Variants in CFAP91 observed in about 807,000 individuals in gnomAD.
CFAP91 encodes cilia- and flagella-associated protein 91.
A neutral mutation model predicts 95.9 loss-of-function variants in CFAP91; 85 were observed. The observed-to-expected ratio is 0.89, with a 90% CI of 0.74 to 1.06. The LOEUF is 1.06. Among genes scored for constraint, CFAP91 ranks in the 50% least tolerant of loss-of-function variants. The pLI, the probability that CFAP91 is intolerant of heterozygous loss-of-function variation, is 0.00. For missense variants in CFAP91, 962 were observed against 943.4 expected (o/e 1.02, Z -0.26); for synonymous variants, 335 against 327.5 (o/e 1.02, Z -0.25).
chr3:119,709,816 T>C, intron 4 of CFAP91, 23 bp from the exon 5 acceptor site: 1 of 1,588,308 alleles, frequency 6.3e-7, no homozygotes, highest in African/African-American at 1.3e-5. Flanking sequence ...TCCCACACAT[T>C]TATGTTTTCT....
At position 119,715,626 on chromosome 3, in the gene CFAP91, G is replaced by A. The variant is rs914441437; in HGVS notation, c.565G>A (p.Val189Met). 2 of 1,613,782 alleles carry A rather than the reference G, an allele frequency of 1.2e-6. No homozygotes were observed. Among genetic ancestry groups the A allele is most frequent in the Admixed American group, 1.7e-5 (1 of 60,012 alleles). The change falls in exon 6 of 18, where the codon GTG becomes ATG. Residue 189 changes from valine to methionine, a missense_variant. By Grantham distance (21) the Val-to-Met change is conservative. Coordinates refer to ENST00000273390, the MANE Select transcript of CFAP91 (RefSeq NM_033364.4). ...CCTATCCATCCCTTCAAAGTCTACT[G>A]TGGGCACTCAGACTGATTATCGGGA... ...KHLSIPSKST[V>M]GTQTDYRDAD...
chr3:119,732,316 G>A lies in CFAP91; in HGVS notation c.1041G>A (p.Lys347=), dbSNP rs1559758012. The change falls in exon 9 of 18, where the codon AAG becomes AAA. Residue 347 remains lysine (K), a synonymous_variant. Coordinates refer to ENST00000273390, the MANE Select transcript of CFAP91 (RefSeq NM_033364.4). ...HVSTIRKLVG[K]RKNIEGKLER... ...CAGCAATCAGAAAACTTGTAGGAAA[G>A]AGAAAGAATATAGAAGGGAAGTTGG... 1 of 1,603,298 alleles carries A rather than the reference G, an allele frequency of 6.2e-7. No individual in the cohort carries two copies. Among genetic ancestry groups the A allele is most frequent in the Admixed American group, 1.7e-5 (1 of 58,114 alleles).
intron 6 of CFAP91, among the ~76,000 whole-genome samples, chr3:119,716,110 C>T (rs2053569792): frequency 1.3e-5 from 2 of 152,188 alleles, no homozygotes; most frequent in Admixed American, 1.3e-4. Context: ...AATGCACATT[C>T]CTATGTATGT....
At chr3:119,719,802 A>G (rs1438397240) in intron 6 of CFAP91, among the ~76,000 whole-genome samples, 3 of 152,282 alleles carry the variant, frequency 2.0e-5, no homozygotes, top group African/African-American at 4.8e-5. Flanking sequence ...CTTTTGCCCT[A>G]TATTTAAAAA....
intron 17 of CFAP91, 49 bp downstream of exon 17, chr3:119,751,147 C>A: frequency 6.5e-7 from 1 of 1,549,372 alleles, no homozygotes; most frequent in Non-Finnish European, 8.7e-7. Context: ...GGAAGAAAAG[C>A]GGCATTGTTC....
intron 6 of CFAP91, among the ~76,000 whole-genome samples, chr3:119,720,064 G>T (rs1392995649): frequency 6.8e-6 from 1 of 146,942 alleles, no homozygotes; most frequent in Non-Finnish European, 1.5e-5. Flanking sequence ...GACAGAGCGA[G>T]ACTCCGTCTC....
chr3:119,728,318 G>T (rs1432959537), intron 7 of CFAP91, among the ~76,000 whole-genome samples: 1 of 152,166 alleles, frequency 6.6e-6, no homozygotes. Context: ...GCAATGAGGT[G>T]ATCAGGCCCC....
In CFAP91 at chr3:119,715,587, A is replaced by G. The variant is rs750575398; in HGVS notation, c.526A>G (p.Thr176Ala). Residue 176 changes from threonine (T) to alanine (A), a missense_variant, in exon 6 of 18, where the codon ACT becomes GCT. Thr to Ala is a moderately conservative substitution (Grantham distance 58). Transcript: ENST00000273390. ...SKAEPYTFPP[T>A]STKHLSIPSK... ...GGCAGAACCATACACTTTTCCTCCT[A>G]CTTCTACTAAGCACCTATCCATCCC... 1 of 1,614,020 alleles carries G rather than the reference A, an allele frequency of 6.2e-7. No homozygotes were observed. The highest frequency in any genetic ancestry group is 1.1e-5 in the South Asian group (1 of 91,074).
chr3:119,741,943 G>A (rs2054128899), intron 13 of CFAP91, among the ~76,000 whole-genome samples: 1 of 152,168 alleles, frequency 6.6e-6, no homozygotes, highest in Non-Finnish European at 1.5e-5. Context: ...ACCAGAGAAG[G>A]AAGAGGAGAA....
chr3:119,762,070 T>A (rs898503397), intron 17 of CFAP91, among the ~76,000 whole-genome samples: 1 of 151,926 alleles, frequency 6.6e-6, no homozygotes, highest in Non-Finnish European at 1.5e-5. Flanking sequence ...GCAGGTGACA[T>A]GGTCTTATAT....
Position 119,766,370 on chromosome 3 carries a change from C to G in CFAP91, c.*1320C>G, listed in dbSNP as rs1008138482. The G allele has an allele frequency of 6.6e-6, 1 of 152,046 alleles. No homozygotes were observed. Among genetic ancestry groups the G allele is most frequent in the East Asian group, 1.9e-4 (1 of 5,178 alleles). The allele number at this position is 152,046 out of a possible 1,614,324, so 9.4% of individuals were successfully genotyped here. On this transcript the variant is annotated 3_prime_UTR_variant, in exon 18 of 18. Coordinates refer to ENST00000273390, the MANE Select transcript of CFAP91 (RefSeq NM_033364.4). Reference sequence around the variant, plus strand: ...CAAACTTGAAAGGGTTCACCTTGCCCTAGCAAAACTAGGATTGGGACACCT... The same window carrying G: ...CAAACTTGAAAGGGTTCACCTTGCCGTAGCAAAACTAGGATTGGGACACCT...
intron 1 of CFAP91, among the ~76,000 whole-genome samples, chr3:119,705,817 T>A (rs566580152): frequency 6.6e-6 from 1 of 152,318 alleles, no homozygotes; most frequent in East Asian, 1.9e-4. Flanking sequence ...TCAATAAACA[T>A]GTGTTGAATG....
At chr3:119,711,005 T>C (rs2053461911) in intron 5 of CFAP91, among the ~76,000 whole-genome samples, 1 of 152,258 alleles carries the variant, frequency 6.6e-6, no homozygotes, top group Non-Finnish European at 1.5e-5. Context: ...CATGAAATTA[T>C]CAGGAATAGA....
chr3:119,709,558 C>T (rs1337187546), intron 4 of CFAP91, among the ~76,000 whole-genome samples: 1 of 152,172 alleles, frequency 6.6e-6, no homozygotes, highest in Non-Finnish European at 1.5e-5. Context: ...TGACTTGTTT[C>T]CCATCTGAAG....
intron 8 of CFAP91, among the ~76,000 whole-genome samples, 189 bp from the exon 9 acceptor site, chr3:119,732,105 A>C (rs1011543533): frequency 6.6e-6 from 1 of 152,226 alleles, no homozygotes; most frequent in African/African-American, 2.4e-5. Flanking sequence ...TGCCTGTCTC[A>C]TGACAATCTG....
chr3:119,731,841 A>C (rs1387042238), intron 8 of CFAP91, among the ~76,000 whole-genome samples: 1 of 152,244 alleles, frequency 6.6e-6, no homozygotes, highest in Admixed American at 6.5e-5. Context: ...AGAAAGCTGT[A>C]AGCTGAGACA....
chr3:119,719,904 A>G (rs1011137115), intron 6 of CFAP91, among the ~76,000 whole-genome samples: 8 of 148,164 alleles, frequency 5.4e-5, no homozygotes, highest in South Asian at 2.1e-4. Context: ...GAAGTTTGAG[A>G]CCAGCCTGGC....
chr3:119,739,519 G>A (rs751233292), intron 12 of CFAP91, 193 bp downstream of exon 12: 4 of 545,976 alleles, frequency 7.3e-6, no homozygotes, highest in Non-Finnish European at 9.9e-6. Flanking sequence ...CAGGTGGGTG[G>A]CACAGTGTCA....
rs1273027931 is a variant in CFAP91 at position 119,766,498 on chromosome 3, G to T, written c.*1448G>T. 1.3e-5 allele frequency: 2 copies of T among 152,104 alleles called. No homozygotes were observed. Among genetic ancestry groups the T allele is most frequent in the Non-Finnish European group, 1.5e-5 (1 of 68,014 alleles). 9.4% of individuals were successfully genotyped at this position (152,104 alleles called of 1,614,324 possible). On this transcript the variant is annotated 3_prime_UTR_variant, in exon 18 of 18. Transcript: ENST00000273390. ...AAAGGCTAACCTGAGCTAGGTAAAG[G>T]TTATATCATTCACTTTTGAAATAAA... is the stretch of plus-strand genomic sequence containing the variant.
Sources: allele counts gnomAD v4.1 joint callset (sites outside exome capture counted in the v4.1 genomes callset), GRCh38; gene constraint gnomAD v4.1.1; transcripts MANE v1.5; gene names NCBI Gene and HGNC (gene_info 2026-07-23, HGNC 2026-07-21).